Variants in CAMSAP1 observed in about 807,000 individuals in gnomAD.
CAMSAP1 encodes calmodulin-regulated spectrin-associated protein 1.
In CAMSAP1, 58 loss-of-function variants were observed where a neutral mutation model predicts 143.5. The observed-to-expected ratio is 0.40, with a 90% confidence interval of 0.33 to 0.50. The LOEUF is 0.50. Ranked by LOEUF, CAMSAP1 falls within the 20% of genes least tolerant of loss-of-function variation. CAMSAP1 has a pLI of 0.45. For missense variants in CAMSAP1, 1,969 were observed against 2,115.7 expected (o/e 0.93, Z 1.36); for synonymous variants, 945 against 859.3 (o/e 1.10, Z -1.74).
chr9:135,825,583 C>T (rs1349906424), intron 8 of CAMSAP1, among the ~76,000 whole-genome samples: 2 of 152,206 alleles, frequency 1.3e-5, no homozygotes, highest in Non-Finnish European at 2.9e-5. Flanking sequence ...CACACGTGTG[C>T]GGATCGCACA....
At chr9:135,879,936 T>C (rs1837883982) in intron 3 of CAMSAP1, among the ~76,000 whole-genome samples, 1 of 151,868 alleles carries the variant, frequency 6.6e-6, no homozygotes, top group Non-Finnish European at 1.5e-5. Flanking sequence ...GAAAGCACAG[T>C]AGGCTCCCCA....
chr9:135,890,726 C>G (rs761165016), intron 1 of CAMSAP1, among the ~76,000 whole-genome samples: 3 of 152,190 alleles, frequency 2.0e-5, no homozygotes, highest in Non-Finnish European at 4.4e-5. Context: ...TGGAAGCCAA[C>G]GGAAACTCCC....
At chr9:135,850,711 A>T (rs919312303) in intron 5 of CAMSAP1, among the ~76,000 whole-genome samples, 4 of 152,240 alleles carry the variant, frequency 2.6e-5, no homozygotes, top group African/African-American at 9.6e-5. Flanking sequence ...GAAATCGCTC[A>T]GATCTCAAGA....
chr9:135,830,072 A>G (rs1182666309), intron 7 of CAMSAP1, among the ~76,000 whole-genome samples: 1 of 152,170 alleles, frequency 6.6e-6, no homozygotes, highest in African/African-American at 2.4e-5. Context: ...AAGTTACACA[A>G]AAGAAAAAAA....
At chr9:135,845,825 C>T (rs922768253) in intron 7 of CAMSAP1, among the ~76,000 whole-genome samples, 3 of 152,104 alleles carry the variant, frequency 2.0e-5, no homozygotes, top group Non-Finnish European at 2.9e-5. Flanking sequence ...TGAAGGACCT[C>T]TTCAAGGAGA....
chr9:135,898,997 C>T (rs1838535619), intron 1 of CAMSAP1, among the ~76,000 whole-genome samples: 1 of 150,662 alleles, frequency 6.6e-6, no homozygotes, highest in Admixed American at 6.6e-5. Flanking sequence ...CTAGCCATAC[C>T]ATGGAATATT....
At chr9:135,879,830 C>T (rs1461373530) in intron 3 of CAMSAP1, among the ~76,000 whole-genome samples, 1 of 151,814 alleles carries the variant, frequency 6.6e-6, no homozygotes, top group Non-Finnish European at 1.5e-5. Context: ...AGAAGGGCCA[C>T]AGGGGAGTCA....
At position 135,882,721 on chromosome 9, in the gene CAMSAP1, C is replaced by T. The variant is rs1235061001; in HGVS notation, c.423+95G>A. 6 of 1,419,194 alleles carry T rather than the reference C, an allele frequency of 4.2e-6. No individual in the cohort carries two copies. Among genetic ancestry groups the T allele is most frequent in the Admixed American group, 4.7e-5 (2 of 42,984 alleles). The allele number at this position is 1,419,194 out of a possible 1,614,324, so 87.9% of individuals were successfully genotyped here. A position where few individuals can be genotyped will look rare whatever the true frequency, so the allele number is the denominator to read the frequency against. On this transcript the variant is annotated intron_variant, in intron 2 of 16. Coordinates refer to ENST00000389532, the MANE Select transcript of CAMSAP1 (RefSeq NM_015447.4). The surrounding 1 kb of genome is among the most constrained non-coding windows in gnomAD (Gnocchi z 4.9). ...CACGGGTCTCCACCACCTCGCCGCACACCGTGTTCACACCATCCATGCACC... is the reference window on the plus strand; with the variant it reads ...CACGGGTCTCCACCACCTCGCCGCATACCGTGTTCACACCATCCATGCACC...
chr9:135,899,019 A>T (rs1838536756), intron 1 of CAMSAP1, among the ~76,000 whole-genome samples: 1 of 152,174 alleles, frequency 6.6e-6, no homozygotes, highest in Admixed American at 6.5e-5. Flanking sequence ...TTACTAAGCA[A>T]AAAAGATCTA....
intron 3 of CAMSAP1, among the ~76,000 whole-genome samples, chr9:135,873,329 C>T (rs954932309): frequency 6.6e-6 from 1 of 152,102 alleles, no homozygotes; most frequent in South Asian, 2.1e-4. Context: ...TGAAGTGCCG[C>T]TTAGAGAGGA....
At chr9:135,869,250 C>T (rs1468299424) in intron 3 of CAMSAP1, among the ~76,000 whole-genome samples, 1 of 152,058 alleles carries the variant, frequency 6.6e-6, no homozygotes, top group African/African-American at 2.4e-5. Flanking sequence ...CACCTGTAAT[C>T]CCAGCACTTT....
At chr9:135,867,052 T>G (rs1837401808) in intron 3 of CAMSAP1, among the ~76,000 whole-genome samples, 1 of 152,152 alleles carries the variant, frequency 6.6e-6, no homozygotes, top group Admixed American at 6.5e-5. Context: ...AAGTATTCTC[T>G]CCTGTAATTA....
At chr9:135,825,025 A>G in intron 8 of CAMSAP1, 145 bp from the exon 9 acceptor site, 4 of 688,792 alleles carry the variant, frequency 5.8e-6, no homozygotes, top group Admixed American at 3.1e-5. Context: ...GACAATAAAA[A>G]TGAGCCAAGA....
chr9:135,870,329 TG>T (rs1019871786), intron 3 of CAMSAP1, among the ~76,000 whole-genome samples: 1 of 152,180 alleles, frequency 6.6e-6, no homozygotes, highest in Non-Finnish European at 1.5e-5. Flanking sequence ...CCTGCCTCCA[TG>T]TAAGACGTGC....
rs1259669422 is a variant in CAMSAP1 at position 135,820,267 on chromosome 9, G to C, written c.3822+572C>G. 6.6e-6 allele frequency among the ~76,000 whole-genome samples: 1 copy of C among 152,070 alleles called. No homozygotes were observed. The highest frequency in any genetic ancestry group is 1.5e-5 in the Non-Finnish European group (1 of 67,970). Reference sequence around the variant, plus strand: ...TGGTCTTATCATCTTAGGAGACGACGATATATGGTCTTATCATCTTAGGAG... The same window carrying C: ...TGGTCTTATCATCTTAGGAGACGACCATATATGGTCTTATCATCTTAGGAG... On this transcript the variant is annotated intron_variant, in intron 11 of 16. Coordinates refer to ENST00000389532, the MANE Select transcript of CAMSAP1 (RefSeq NM_015447.4). The surrounding 1 kb of genome is among the most constrained non-coding windows in gnomAD (Gnocchi z 4.4).
intron 1 of CAMSAP1, among the ~76,000 whole-genome samples, chr9:135,898,506 A>AATAT (rs975579256): frequency 6.6e-6 from 1 of 151,930 alleles, no homozygotes; most frequent in Non-Finnish European, 1.5e-5. Flanking sequence ...TTTAAAGAAA[A>AATAT]ATATATATAT....
chr9:135,827,456 C>G lies in CAMSAP1; in HGVS notation c.1174G>C (p.Ala392Pro), dbSNP rs779685195. The change falls in exon 8 of 17, where the codon GCG becomes CCG. Residue 392 changes from alanine (A) to proline (P), a missense_variant. Transcript: ENST00000389532. Reference sequence around the variant, plus strand: ...AGGTAGTGCCTGTGACAGCCTTCCGCCGGCAGCTGCACGGGGGGCTGCAGC... The same window carrying G: ...AGGTAGTGCCTGTGACAGCCTTCCGGCGGCAGCTGCACGGGGGGCTGCAGC... ...AELQPPVQLP[A>P]EGCHRHYLHP... is the part of the protein sequence containing the mutation. 2.5e-6 allele frequency: 4 copies of G among 1,602,938 alleles called. No individual in the cohort carries two copies. The East Asian group carries it at 9.0e-5, about 36-fold the overall frequency.
chr9:135,855,953 G>A (rs1213505395), intron 5 of CAMSAP1, among the ~76,000 whole-genome samples: 1 of 151,936 alleles, frequency 6.6e-6, no homozygotes, highest in Non-Finnish European at 1.5e-5. Flanking sequence ...TCGGTAGGCT[G>A]AGGCAGGAGA....
Position 135,821,783 on chromosome 9 carries a change from T to C in CAMSAP1, c.2878A>G (p.Lys960Glu), listed in dbSNP as rs779002940. Residue 960 changes from lysine (K) to glutamate (E), a missense_variant, in exon 11 of 17, where the codon AAG becomes GAG. By Grantham distance (56) the Lys-to-Glu change is moderately conservative. Transcript: ENST00000389532. This position sits in a 1 kb window ranked among gnomAD's most constrained non-coding sequence, Gnocchi z 4.6. Reference sequence around the variant, plus strand: ...AGGAGCTCCTCTCTCTGCTCCTCCTTCACGAGAAAGTCTTCGGTTTTGGAA... The same window carrying C: ...AGGAGCTCCTCTCTCTGCTCCTCCTCCACGAGAAAGTCTTCGGTTTTGGAA... The part of the protein sequence containing the change: ...AVSKTEDFLV[K>E]EEQREELLHE... 6.2e-7 allele frequency: 1 copy of C among 1,613,914 alleles called. No individual in the cohort carries two copies.
Sources: allele counts gnomAD v4.1 joint callset (sites outside exome capture counted in the v4.1 genomes callset), GRCh38; gene constraint gnomAD v4.1.1; non-coding constraint Gnocchi (gnomAD v3.1); transcripts MANE v1.5; gene names NCBI Gene and HGNC (gene_info 2026-07-23, HGNC 2026-07-21).